The following SLC2A9 variants were observed in gnomAD, a reference collection of about 807,000 sequenced individuals.
SLC2A9 encodes the protein solute carrier family 2, facilitated glucose transporter member 9.
Under a neutral mutation model 50.6 loss-of-function variants are expected in SLC2A9, and 39 were observed. The ratio of observed to expected loss-of-function variants is 0.77; its 90% CI spans 0.60 to 1.01. SLC2A9 has a LOEUF of 1.01. SLC2A9 is among the 50% of genes least tolerant of loss of function. The probability of loss-of-function intolerance (pLI) is 0.00; values close to 1 mark genes in which losing one functional copy is unlikely to be tolerated. For synonymous variants in SLC2A9, 324 were observed against 276.9 expected (o/e 1.17, Z -1.69); for missense variants, 686 against 677.6 (o/e 1.01, Z -0.14).
chr4:9,831,842 G>A (rs1275969598), intron 11 of SLC2A9, among the ~76,000 whole-genome samples: 3 of 152,196 alleles, frequency 2.0e-5, no homozygotes, highest in Non-Finnish European at 4.4e-5. Context: ...ACCTGCCTAC[G>A]GCCCCCTGAG....
At chr4:9,997,820 T>C (rs890862263) in intron 2 of SLC2A9, among the ~76,000 whole-genome samples, 3 of 151,614 alleles carry the variant, frequency 2.0e-5, no homozygotes, top group African/African-American at 7.3e-5. Flanking sequence ...AAGATTAACA[T>C]CTTCTGCTCT....
intron 3 of SLC2A9, among the ~76,000 whole-genome samples, chr4:9,817,182 T>C (rs915318599): frequency 6.6e-6 from 1 of 152,220 alleles, no homozygotes; most frequent in African/African-American, 2.4e-5. Context: ...TACCCAGTCA[T>C]CCACGTTAAT....
chr4:9,804,117 G>A (rs1025945328), intron 3 of SLC2A9, among the ~76,000 whole-genome samples: 1 of 152,208 alleles, frequency 6.6e-6, no homozygotes, highest in Non-Finnish European at 1.5e-5. Context: ...TACATGAACA[G>A]ATGATAAAAA....
At chr4:10,022,628 G>A (rs937538983), upstream of SLC2A9, among the ~76,000 whole-genome samples, 9 of 152,258 alleles carry the variant, frequency 5.9e-5, no homozygotes, top group Admixed American at 5.9e-4. Context: ...CAGGCTTGGT[G>A]AATGCAGAAC....
intron 5 of SLC2A9, among the ~76,000 whole-genome samples, chr4:9,946,466 G>A (rs2108807543): frequency 6.6e-6 from 1 of 152,270 alleles, no homozygotes; most frequent in African/African-American, 2.4e-5. Flanking sequence ...CCAGACAAGG[G>A]AGCACGGTGA....
chr4:9,901,438 C>G (rs1427179671), intron 8 of SLC2A9, among the ~76,000 whole-genome samples: 3 of 152,142 alleles, frequency 2.0e-5, no homozygotes, highest in African/African-American at 7.2e-5. Context: ...GGAAAACCGG[C>G]CTCTCTCCAA....
intron 5 of SLC2A9, among the ~76,000 whole-genome samples, chr4:9,954,885 CA>C: frequency 2.3e-5 from 1 of 43,872 alleles, no homozygotes; most frequent in Non-Finnish European, 4.5e-5. Flanking sequence ...GAAAGGCAGT[CA>C]GTCTCCCAAT....
chr4:9,859,153 G>A (rs148138799), intron 10 of SLC2A9, among the ~76,000 whole-genome samples: 159 of 152,288 alleles, frequency 1.0e-3, no homozygotes, highest in African/African-American at 3.6e-3. Flanking sequence ...ATGGTCTATC[G>A]TGGGACTTTA....
intron 10 of SLC2A9, among the ~76,000 whole-genome samples, chr4:9,846,416 C>T (rs1729003069): frequency 6.6e-6 from 1 of 152,006 alleles, no homozygotes; most frequent in Non-Finnish European, 1.5e-5. Context: ...CATGTGCTTC[C>T]TAGGTAGGGA....
downstream of SLC2A9, among the ~76,000 whole-genome samples, chr4:9,777,578 T>C (rs1445161089): frequency 6.6e-6 from 1 of 152,188 alleles, no homozygotes; most frequent in Non-Finnish European, 1.5e-5. Flanking sequence ...TGTGCACCTT[T>C]CTTGGTTGAT....
intron 5 of SLC2A9, among the ~76,000 whole-genome samples, chr4:9,979,479 G>T (rs1020846761): frequency 1.3e-5 from 2 of 152,188 alleles, no homozygotes; most frequent in African/African-American, 4.8e-5. Context: ...CTGCCTGTGT[G>T]AGTGGGAAGG....
At chr4:9,868,428 G>A (rs562801818) in intron 10 of SLC2A9, among the ~76,000 whole-genome samples, 21 of 152,352 alleles carry the variant, frequency 1.4e-4, no homozygotes, top group African/African-American at 5.1e-4. Flanking sequence ...TGGCTGGAAA[G>A]CCCTTGACTT....
intron 5 of SLC2A9, among the ~76,000 whole-genome samples, chr4:9,974,186 A>G (rs1754391984): frequency 6.6e-6 from 1 of 152,226 alleles, no homozygotes; most frequent in Non-Finnish European, 1.5e-5. Context: ...ATCATACTGA[A>G]CAGGCAAAAG....
chr4:10,019,097 A>G, intron 1 of SLC2A9, 24 bp from the exon 2 acceptor site: 1 of 1,547,128 alleles, frequency 6.5e-7, no homozygotes, highest in Middle Eastern at 1.7e-4. Context: ...AAACCACGTC[A>G]GAGCCGGCAC....
At chr4:9,868,104 G>A (rs1019155788) in intron 10 of SLC2A9, among the ~76,000 whole-genome samples, 4 of 152,208 alleles carry the variant, frequency 2.6e-5, no homozygotes, top group African/African-American at 7.2e-5. Context: ...CGCCTGACCC[G>A]GGATAGTCCC....
chr4:9,928,970 C>A lies in SLC2A9; in HGVS notation c.815-8398G>T, dbSNP rs1253104689. Among the ~76,000 whole-genome samples the A allele has an allele frequency of 3.3e-5, 5 of 152,332 alleles. No individual in the cohort carries two copies. The East Asian group carries it at 9.6e-4, about 29-fold the overall frequency. On this transcript the variant is annotated intron_variant, in intron 6 of 11. Transcript: ENST00000264784. Reference sequence around the variant, plus strand: ...AATTCACTGGCCTGCATTTTCAACTCCCAAAACATTTCATTCCTGATGGAC... The same window carrying A: ...AATTCACTGGCCTGCATTTTCAACTACCAAAACATTTCATTCCTGATGGAC...
intron 1 of SLC2A9, chr4:10,029,207 C>T (rs773235647): frequency 7.2e-5 from 11 of 152,254 alleles, no homozygotes; most frequent in African/African-American, 2.4e-4. Context: ...ACGACTAGGA[C>T]GAGGTTGGCT....
chr4:9,796,443 A>C (rs1255588512), downstream of SLC2A9, among the ~76,000 whole-genome samples: 1 of 152,208 alleles, frequency 6.6e-6, no homozygotes, highest in East Asian at 1.9e-4. Flanking sequence ...AAGATGCCTC[A>C]ATTCTAATCT....
Position 9,911,174 on chromosome 4 carries a change from C to G in SLC2A9, c.1003-2829G>C, listed in dbSNP as rs1319178328. 2.0e-5 allele frequency among the ~76,000 whole-genome samples: 3 copies of G among 151,956 alleles called. No homozygotes were observed. In the East Asian group the frequency reaches 5.8e-4, roughly 29 times the overall value. On this transcript the variant is annotated intron_variant, in intron 7 of 11. Coordinates refer to ENST00000264784, the MANE Select transcript of SLC2A9 (RefSeq NM_020041.3). ...AATAATAATAATAAAGCAATAAAAG[C>G]CATATTTAGTCTTATATTCATTCAT...
Sources: allele counts gnomAD v4.1 joint callset (sites outside exome capture counted in the v4.1 genomes callset), GRCh38; gene constraint gnomAD v4.1.1; transcripts MANE v1.5; gene names NCBI Gene and HGNC (gene_info 2026-07-23, HGNC 2026-07-21).